SLC8A1: variants seen among roughly 807,000 people sequenced by gnomAD.
SLC8A1 encodes the protein sodium/calcium exchanger 1.
SLC8A1 carries 18 observed loss-of-function variants against 68.3 expected under a neutral mutation model. That is an observed-to-expected ratio of 0.26 (90% CI 0.18 to 0.39). SLC8A1 has a LOEUF of 0.39. Among genes scored for constraint, SLC8A1 ranks in the 10% least tolerant of loss-of-function variants. The pLI is 1.00. For missense variants in SLC8A1, 985 were observed against 1,156.7 expected (o/e 0.85, Z 2.15); for synonymous variants, 475 against 415.5 (o/e 1.14, Z -1.74).
intron 1 of SLC8A1, among the ~76,000 whole-genome samples, chr2:40,471,682 T>A (rs1014192939): frequency 2.0e-5 from 3 of 152,188 alleles, no homozygotes; most frequent in African/African-American, 4.8e-5. Context: ...ACCCTATTCA[T>A]GTAACCCAAG....
chr2:40,274,410 T>C (rs1332647930), intron 2 of SLC8A1, among the ~76,000 whole-genome samples: 1 of 152,032 alleles, frequency 6.6e-6, no homozygotes, highest in Non-Finnish European at 1.5e-5. Flanking sequence ...GCTCTAAAAT[T>C]TTCCAGCAGT....
At chr2:40,478,148 C>T (rs557101122) in intron 1 of SLC8A1, among the ~76,000 whole-genome samples, 84 of 152,176 alleles carry the variant, frequency 5.5e-4, no homozygotes, top group African/African-American at 1.8e-3. Flanking sequence ...CTCAGCTATG[C>T]CTTGGCTGGG....
chr2:40,459,123 C>T (rs1703188948), intron 1 of SLC8A1, among the ~76,000 whole-genome samples: 1 of 152,100 alleles, frequency 6.6e-6, no homozygotes, highest in Admixed American at 6.6e-5. Context: ...TTCTACTCTC[C>T]TGGGACTCAC....
At chr2:40,168,750 A>G (rs1028684231) in intron 4 of SLC8A1, among the ~76,000 whole-genome samples, 1 of 152,208 alleles carries the variant, frequency 6.6e-6, no homozygotes, top group African/African-American at 2.4e-5. Context: ...TTACTTCTGC[A>G]GAGTGAGATA....
At chr2:40,330,222 A>G (rs1464180501) in intron 2 of SLC8A1, among the ~76,000 whole-genome samples, 2 of 152,214 alleles carry the variant, frequency 1.3e-5, no homozygotes, top group African/African-American at 4.8e-5. Context: ...TTTGCATAGT[A>G]GAGGCAGGAT....
At chr2:40,103,936 T>C (rs1391273316) in exon 8 of SLC8A1, 1 of 152,202 alleles carries the variant, frequency 6.6e-6, no homozygotes, top group Non-Finnish European at 1.5e-5. Context: ...AAGTGGATGA[T>C]AACAGGGAAA....
intron 2 of SLC8A1, among the ~76,000 whole-genome samples, chr2:40,392,247 A>C (rs953159260): frequency 8.1e-6 from 1 of 123,190 alleles, no homozygotes; most frequent in Admixed American, 7.6e-5. Context: ...AGAGAAAGGA[A>C]GCAAGCAAGC....
At chr2:40,387,925 A>G (rs1025413980) in intron 2 of SLC8A1, among the ~76,000 whole-genome samples, 54 of 139,886 alleles carry the variant, frequency 3.9e-4, no homozygotes, top group Non-Finnish European at 1.2e-4. Flanking sequence ...CTACAGAAAG[A>G]GAGACTGCCT....
At chr2:40,349,773 TATC>T (rs1411660130) in intron 2 of SLC8A1, among the ~76,000 whole-genome samples, 2 of 152,074 alleles carry the variant, frequency 1.3e-5, no homozygotes, top group African/African-American at 2.4e-5. Flanking sequence ...TTAGAAAAAA[TATC>T]ATCCTTTTAA....
At chr2:40,510,584 A>G (rs71441107) in intron 1 of SLC8A1, among the ~76,000 whole-genome samples, 13,396 of 152,148 alleles carry the variant, frequency 0.088, 1,079 homozygotes, top group East Asian at 0.42. Flanking sequence ...CGGCTGGTAT[A>G]TAGTGTTTAA....
At chr2:40,438,179 C>T (rs1050793037) in intron 1 of SLC8A1, among the ~76,000 whole-genome samples, 1 of 152,128 alleles carries the variant, frequency 6.6e-6, no homozygotes, top group Non-Finnish European at 1.5e-5. Context: ...CAAAAGCCTC[C>T]TGATAGACAA....
At chr2:40,469,814 C>A (rs960876619) in intron 1 of SLC8A1, among the ~76,000 whole-genome samples, 7 of 152,056 alleles carry the variant, frequency 4.6e-5, no homozygotes, top group Non-Finnish European at 5.9e-5. Context: ...ATAATGTCTG[C>A]TTACACTCAG....
intron 2 of SLC8A1, among the ~76,000 whole-genome samples, chr2:40,299,605 T>C (rs890345770): frequency 2.0e-5 from 3 of 152,148 alleles, no homozygotes; most frequent in Admixed American, 1.3e-4. Context: ...ACATTTGGAC[T>C]TGTAAGGGTG....
chr2:40,412,899 T>C (rs573650085), intron 2 of SLC8A1, among the ~76,000 whole-genome samples: 1 of 152,288 alleles, frequency 6.6e-6, no homozygotes, highest in Admixed American at 6.5e-5. Context: ...CTGGTTATCA[T>C]TGCTGATTTT....
In SLC8A1 at chr2:40,417,687, C is replaced by G. The variant is rs1384330069; in HGVS notation, c.1808+10786G>C. On this transcript the variant is annotated intron_variant, in intron 2 of 7. Coordinates refer to ENST00000406785, the Ensembl canonical transcript of SLC8A1. ...CAGGGATAAAATGAGGATTTAAACC[C>G]AGGCTAGTATGGCCCCAAAGCGTGG... Among the ~76,000 whole-genome samples, 3 of 152,196 alleles carry G rather than the reference C, an allele frequency of 2.0e-5. No individual in the cohort carries two copies. The East Asian group carries it at 5.8e-4, about 29-fold the overall frequency.
chr2:40,252,063 G>A (rs1437849809), intron 2 of SLC8A1, among the ~76,000 whole-genome samples: 1 of 152,098 alleles, frequency 6.6e-6, no homozygotes, highest in South Asian at 2.1e-4. Context: ...AACAATAAAT[G>A]GTTAATCAGT....
intron 1 of SLC8A1, among the ~76,000 whole-genome samples, chr2:40,440,178 C>A (rs1232333920): frequency 6.6e-6 from 1 of 151,906 alleles, no homozygotes; most frequent in Non-Finnish European, 1.5e-5. Flanking sequence ...ATCTTATATA[C>A]CTGTGTTTGA....
intron 2 of SLC8A1, among the ~76,000 whole-genome samples, chr2:40,343,383 T>A (rs562818409): frequency 5.9e-5 from 9 of 152,168 alleles, no homozygotes; most frequent in Non-Finnish European, 8.8e-5. Context: ...GGATTAATCA[T>A]CTCTGAAGTC....
At chr2:40,485,971 C>G (rs1271211508) in intron 1 of SLC8A1, among the ~76,000 whole-genome samples, 1 of 152,162 alleles carries the variant, frequency 6.6e-6, no homozygotes, top group Non-Finnish European at 1.5e-5. Flanking sequence ...TGTCCCCACT[C>G]AAATGTCATC....
Sources: allele counts gnomAD v4.1 joint callset (sites outside exome capture counted in the v4.1 genomes callset), GRCh38; gene constraint gnomAD v4.1.1; transcripts MANE v1.5; gene names NCBI Gene and HGNC (gene_info 2026-07-23, HGNC 2026-07-21).